KAT6A: variants seen among roughly 807,000 people sequenced by gnomAD.
KAT6A encodes the protein lysine acetyltransferase 6A, also known as histone acetyltransferase KAT6A.
In KAT6A, 9 loss-of-function variants were observed where a neutral mutation model predicts 198.4. The observed-to-expected ratio is 0.05, with a 90% CI of 0.03 to 0.08. The LOEUF is 0.08. Ranked by LOEUF, KAT6A falls within the 10% of genes least tolerant of loss-of-function variation. The probability of loss-of-function intolerance (pLI) is 1.00; values close to 1 mark genes in which losing one functional copy is unlikely to be tolerated. For missense variants in KAT6A, 2,077 were observed against 2,509.9 expected (o/e 0.83, Z 3.69); for synonymous variants, 890 against 883.0 (o/e 1.01, Z -0.14).
intron 3 of KAT6A, among the ~76,000 whole-genome samples, chr8:41,984,997 A>G (rs1240617728): frequency 6.6e-6 from 1 of 151,610 alleles, no homozygotes; most frequent in Admixed American, 6.6e-5. Context: ...AAAAAAAAAA[A>G]GTTACCGCTA....
intron 1 of KAT6A, 25 bp downstream of exon 1, chr8:42,051,876 C>A (rs1164581684): frequency 6.7e-6 from 1 of 149,120 alleles, no homozygotes; most frequent in Non-Finnish European, 1.5e-5. Flanking sequence ...CGGGGGCGGC[C>A]GGGAACGGCC....
chr8:41,991,176 T>C (rs1824926784), intron 2 of KAT6A, among the ~76,000 whole-genome samples: 1 of 152,136 alleles, frequency 6.6e-6, no homozygotes, highest in Non-Finnish European at 1.5e-5. Flanking sequence ...TACATATTAA[T>C]AAAACATACA....
At chr8:41,996,137 T>C (rs1203067521) in intron 2 of KAT6A, among the ~76,000 whole-genome samples, 1 of 152,254 alleles carries the variant, frequency 6.6e-6, no homozygotes, top group Non-Finnish European at 1.5e-5. Context: ...TTTTATTATA[T>C]GCAATTATTT....
At chr8:41,998,231 C>A (rs967453284) in intron 2 of KAT6A, among the ~76,000 whole-genome samples, 7 of 152,122 alleles carry the variant, frequency 4.6e-5, no homozygotes, top group African/African-American at 1.7e-4. Context: ...AAGTACCATT[C>A]ATATTTTCAC....
chr8:42,031,766 G>A (rs1406001054), intron 2 of KAT6A, among the ~76,000 whole-genome samples: 2 of 151,240 alleles, frequency 1.3e-5, no homozygotes, highest in African/African-American at 2.4e-5. Flanking sequence ...AAGTAGCTGG[G>A]ATTACAGACA....
At position 41,933,525 on chromosome 8, in the gene KAT6A, G is replaced by A. The variant is rs774568439; in HGVS notation, c.4695C>T (p.Asn1565=). ...SIESTTENYE[N]PSSYDSTMGG... is the part of the protein sequence containing the mutation. ...CCATCGTGGAGTCGTAACTGCTTGG[G>A]TTCTCATAGTTTTCAGTGGTGCTCT... The change falls in exon 17 of 17, where the codon AAC becomes AAT. Residue 1565 remains asparagine, a synonymous_variant. Coordinates refer to ENST00000265713, the MANE Select transcript of KAT6A (RefSeq NM_006766.5). The surrounding 1 kb of genome is among the most constrained non-coding windows in gnomAD (Gnocchi z 6.2). 4.3e-5 allele frequency: 69 copies of A among 1,614,028 alleles called. No homozygotes were observed. Among genetic ancestry groups the A allele is most frequent in the Non-Finnish European group, 5.7e-5 (67 of 1,180,034 alleles).
chr8:41,942,107 TA>T, intron 14 of KAT6A: 3 of 197,656 alleles, frequency 1.5e-5, no homozygotes, highest in Non-Finnish European at 3.1e-5. Context: ...AAGCACTGCT[TA>T]AAAAAAAGAG....
chr8:41,967,956 C>A (rs1282790661), intron 8 of KAT6A, among the ~76,000 whole-genome samples: 11 of 152,060 alleles, frequency 7.2e-5, no homozygotes, highest in Non-Finnish European at 1.3e-4. Context: ...TTCCTTACAC[C>A]TTATACAAAA....
chr8:41,992,045 A>G (rs1824972937), intron 2 of KAT6A, among the ~76,000 whole-genome samples: 1 of 152,154 alleles, frequency 6.6e-6, no homozygotes, highest in Non-Finnish European at 1.5e-5. Context: ...TACAAAAAAT[A>G]CAAAAATTAT....
At chr8:42,018,582 G>A (rs923090749) in intron 2 of KAT6A, among the ~76,000 whole-genome samples, 1 of 152,060 alleles carries the variant, frequency 6.6e-6, no homozygotes, top group Non-Finnish European at 1.5e-5. Context: ...AACCATCTCT[G>A]TTAAGGCCAG....
chr8:42,049,254 A>G lies in KAT6A; in HGVS notation c.-277T>C. The G allele has an allele frequency of 5.1e-6, 2 of 389,874 alleles. No individual in the cohort carries two copies. The highest frequency in any genetic ancestry group is 9.2e-6 in the Non-Finnish European group (2 of 217,874). The allele number at this position is 389,874 out of a possible 1,614,324, so 24.2% of individuals were successfully genotyped here. ...TCTCGTCATAAAGTTGTAAGAACTC[A>G]AGAATATTTCATTCCCGGCTCCAGA... On this transcript the variant is annotated 5_prime_UTR_variant, in exon 2 of 17. An upstream open reading frame in the 5' UTR loses its in-frame stop. Transcript: ENST00000265713.
chr8:41,973,209 C>T (rs760394581), intron 8 of KAT6A, among the ~76,000 whole-genome samples: 4 of 152,118 alleles, frequency 2.6e-5, no homozygotes, highest in Non-Finnish European at 4.4e-5. Flanking sequence ...TCCCTAGAAC[C>T]CTCGGCATCA....
chr8:42,039,900 A>AT (rs1397914544), intron 2 of KAT6A, among the ~76,000 whole-genome samples: 3 of 114,714 alleles, frequency 2.6e-5, no homozygotes, highest in African/African-American at 9.5e-5. Flanking sequence ...TGCCTGGCTA[A>AT]TATTTTTTTT....
chr8:41,960,037 G>C (rs1823116990), intron 8 of KAT6A, among the ~76,000 whole-genome samples: 1 of 151,166 alleles, frequency 6.6e-6, no homozygotes, highest in African/African-American at 2.4e-5. Flanking sequence ...ATTATGCTAA[G>C]TGAAACAGCC....
At chr8:42,041,452 A>C (rs1365563787) in intron 2 of KAT6A, among the ~76,000 whole-genome samples, 3 of 152,172 alleles carry the variant, frequency 2.0e-5, no homozygotes, top group Non-Finnish European at 2.9e-5. Flanking sequence ...AATGTACGGC[A>C]TGGGCCGGGC....
chr8:41,989,966 C>A (rs1824845957), intron 2 of KAT6A, among the ~76,000 whole-genome samples: 1 of 152,000 alleles, frequency 6.6e-6, no homozygotes, highest in African/African-American at 2.4e-5. Context: ...ATTAAGACTA[C>A]CACATCCTTT....
chr8:42,001,454 T>C (rs981911612), intron 2 of KAT6A, among the ~76,000 whole-genome samples: 2 of 152,204 alleles, frequency 1.3e-5, no homozygotes, highest in Non-Finnish European at 2.9e-5. Flanking sequence ...GACAAGTTCC[T>C]AAAGGCAACA....
chr8:41,962,938 C>G (rs973083503), intron 8 of KAT6A, among the ~76,000 whole-genome samples: 26 of 152,140 alleles, frequency 1.7e-4, no homozygotes, highest in African/African-American at 5.6e-4. Context: ...CCCCTCACCT[C>G]CTTCAAGTTT....
At chr8:41,951,228 A>G (rs1004019745) in intron 9 of KAT6A, among the ~76,000 whole-genome samples, 2 of 152,104 alleles carry the variant, frequency 1.3e-5, no homozygotes, top group Admixed American at 1.3e-4. Context: ...GTAAACTGAA[A>G]ACAAGCATTA....
Sources: gnomAD v4.1 joint callset for allele counts (sites outside exome capture counted in the v4.1 genomes callset) on GRCh38, gnomAD v4.1.1 for gene constraint, Gnocchi (gnomAD v3.1) non-coding constraint, MANE v1.5 for transcripts, NCBI Gene and HGNC (gene_info 2026-07-23, HGNC 2026-07-21) for gene names.